Variants in DACH2 observed in about 807,000 individuals in gnomAD.
The protein encoded by DACH2 is dachshund family transcription factor 2.
In DACH2, 17 loss-of-function variants were observed where a neutral mutation model predicts 35.8. The observed-to-expected ratio is 0.48, with a 90% CI of 0.33 to 0.71. The LOEUF is 0.71. Ranked by LOEUF, DACH2 falls within the 30% of genes least tolerant of loss-of-function variation. The pLI is 0.02. For missense variants in DACH2, 469 were observed against 472.7 expected, an observed-to-expected ratio of 0.99 and a Z score of 0.07; for synonymous variants, 195 against 177.3, an observed-to-expected ratio of 1.10 and a Z score of -0.79.
At chrX:86,258,651 A>G (rs1051314843) in intron 1 of DACH2, among the ~76,000 whole-genome samples, 2 of 111,660 alleles carry the variant, frequency 1.8e-5, no homozygotes, top group Non-Finnish European at 3.8e-5. Context: ...TGTTCTTAAA[A>G]CTAATGATCT....
intron 3 of DACH2, among the ~76,000 whole-genome samples, chrX:86,633,620 T>G (rs1195937569): frequency 1.8e-5 from 2 of 111,398 alleles, no homozygotes; most frequent in Non-Finnish European, 3.8e-5. Context: ...GGCCAGTATT[T>G]CCTGAATTCC....
At chrX:86,234,148 A>G (rs920703714) in intron 1 of DACH2, among the ~76,000 whole-genome samples, 2 of 112,193 alleles carry the variant, frequency 1.8e-5, no homozygotes, top group Admixed American at 1.9e-4. Flanking sequence ...AACTAAGGAG[A>G]CATTGCACTT....
intron 2 of DACH2, among the ~76,000 whole-genome samples, chrX:86,437,121 G>C (rs1343784685): frequency 9.1e-6 from 1 of 110,234 alleles, no homozygotes; most frequent in Non-Finnish European, 1.9e-5. Context: ...TTTCTCTTTT[G>C]ACTTGTTTTT....
chrX:86,737,369 A>G (rs945784530), intron 6 of DACH2, among the ~76,000 whole-genome samples: 1 of 111,929 alleles, frequency 8.9e-6, no homozygotes, highest in Non-Finnish European at 1.9e-5. Flanking sequence ...TGGAGGCATG[A>G]CAACAGCTAT....
intron 3 of DACH2, among the ~76,000 whole-genome samples, chrX:86,612,641 G>T (rs2039959884): frequency 8.9e-6 from 1 of 112,145 alleles, no homozygotes; most frequent in Non-Finnish European, 1.9e-5. Flanking sequence ...CCAGCACATA[G>T]ATTCTCTCTC....
intron 2 of DACH2, among the ~76,000 whole-genome samples, chrX:86,498,094 A>G (rs73631957): frequency 0.05 from 5,608 of 111,673 alleles, 344 homozygotes; most frequent in African/African-American, 0.17. Context: ...CTCTGTGCAG[A>G]GAGAGGATGT....
intron 2 of DACH2, among the ~76,000 whole-genome samples, chrX:86,495,047 T>A (rs5923537): frequency 0.13 from 14,673 of 109,797 alleles, 1,430 homozygotes; most frequent in African/African-American, 0.34. Flanking sequence ...TTAATTAATT[T>A]ATTTATTTAT....
In DACH2 at chrX:86,814,830, A is replaced by C. The variant is rs138579209; in HGVS notation, c.1680A>C (p.Leu560Phe). 6.7e-4 allele frequency: 809 copies of C among 1,204,685 alleles called. No individual in the cohort carries two copies. The highest frequency in any genetic ancestry group is 8.6e-4 in the Non-Finnish European group (768 of 892,804). Reference sequence around the variant, plus strand: ...CTAGTGACAGTGGCCTGAGGATGTTAAAAGGTAATGTCTGATTTGGATTTT... The same window carrying C: ...CTAGTGACAGTGGCCTGAGGATGTTCAAAGGTAATGTCTGATTTGGATTTT... Reference protein sequence around the residue: ...ATTSDSGLRMLKDTGIPDIEI... With the variant: ...ATTSDSGLRMFKDTGIPDIEI... Residue 560 changes from leucine to phenylalanine, a missense_variant, in exon 10 of 12, where the codon TTA becomes TTC. Leu to Phe is a conservative substitution (Grantham distance 22). Coordinates refer to ENST00000373125, the MANE Select transcript of DACH2 (RefSeq NM_053281.3).
chrX:86,438,670 T>C (rs774597116), intron 2 of DACH2, among the ~76,000 whole-genome samples: 4 of 112,461 alleles, frequency 3.6e-5, no homozygotes, highest in Non-Finnish European at 7.5e-5. Context: ...TAGACATGCA[T>C]GTGTCTTTAT....
At chrX:86,466,359 C>T (rs190617170) in intron 2 of DACH2, among the ~76,000 whole-genome samples, 285 of 110,312 alleles carry the variant, frequency 2.6e-3, no homozygotes, top group African/African-American at 8.9e-3. Flanking sequence ...GGACACAGAG[C>T]CAAACCCATT....
At chrX:86,254,777 A>ATATATATATATATAT (rs1556004208) in intron 1 of DACH2, among the ~76,000 whole-genome samples, 3 of 14,232 alleles carry the variant, frequency 2.1e-4, no homozygotes, top group Non-Finnish European at 2.7e-4. Context: ...TATTCAAATA[A>ATATATATATATATAT]ATAAATATAT....
intron 5 of DACH2, among the ~76,000 whole-genome samples, chrX:86,707,929 A>AAAAAAAAAAAAAAAAAAAAAAAAAAAC (rs2041237102): frequency 9.7e-6 from 1 of 103,088 alleles, no homozygotes; most frequent in Non-Finnish European, 2.0e-5. Context: ...AAAAAAAAAA[A>AAAAAAAAAAAAAAAAAAAAAAAAAAAC]ATTACACACC....
At chrX:86,366,305 T>C (rs1372813564) in intron 1 of DACH2, among the ~76,000 whole-genome samples, 1 of 110,993 alleles carries the variant, frequency 9.0e-6, no homozygotes, top group Non-Finnish European at 1.9e-5. Flanking sequence ...CTAAGGAGGA[T>C]GAAGTGGGAT....
intron 6 of DACH2, among the ~76,000 whole-genome samples, chrX:86,727,594 G>T (rs777448408): frequency 9.0e-6 from 1 of 110,961 alleles, no homozygotes; most frequent in Admixed American, 9.6e-5. Context: ...CCCATGAATG[G>T]CTTGGGGCAT....
chrX:86,320,360 G>T (rs1256602405), intron 1 of DACH2, among the ~76,000 whole-genome samples: 1 of 112,180 alleles, frequency 8.9e-6, no homozygotes, highest in East Asian at 2.8e-4. Context: ...TACAGAGAAT[G>T]TAAACAGTGA....
rs772238819 is a variant in DACH2 at position 86,213,964 on chromosome X, A to T, written c.488+64856A>T. Reference sequence around the variant, plus strand: ...GCATCTCTATGTTTCCAATTTAAGAATCTCAGGGTTCTCATTCATACTTTC... The same window carrying T: ...GCATCTCTATGTTTCCAATTTAAGATTCTCAGGGTTCTCATTCATACTTTC... On this transcript the variant is annotated intron_variant, in intron 1 of 11. Coordinates refer to ENST00000373125, the MANE Select transcript of DACH2 (RefSeq NM_053281.3). Among the ~76,000 whole-genome samples, 11 of 111,087 alleles carry T rather than the reference A, an allele frequency of 9.9e-5. No individual in the cohort carries two copies. The East Asian group carries it at 2.0e-3, about 20-fold the overall frequency.
chrX:86,792,641 C>A (rs1428020932), intron 7 of DACH2, among the ~76,000 whole-genome samples: 1 of 111,481 alleles, frequency 9.0e-6, no homozygotes, highest in Non-Finnish European at 1.9e-5. Flanking sequence ...ATTTCAGTAC[C>A]TAGCTTATTT....
chrX:86,213,161 G>A (rs982884234), intron 1 of DACH2, among the ~76,000 whole-genome samples: 2 of 111,373 alleles, frequency 1.8e-5, no homozygotes, highest in African/African-American at 6.5e-5. Context: ...CTTTTAAAAA[G>A]TTGACCTAGG....
At chrX:86,442,205 G>T (rs190590370) in intron 2 of DACH2, among the ~76,000 whole-genome samples, 31 of 109,890 alleles carry the variant, frequency 2.8e-4, no homozygotes, top group Middle Eastern at 4.7e-3. Context: ...ACTCTAATTT[G>T]GGTGAAGTGA....
Sources: gnomAD v4.1 joint callset for allele counts (sites outside exome capture counted in the v4.1 genomes callset) on GRCh38, gnomAD v4.1.1 for gene constraint, MANE v1.5 for transcripts, NCBI Gene and HGNC (gene_info 2026-07-23, HGNC 2026-07-21) for gene names.